The following ADK variants were observed in gnomAD, a reference collection of about 807,000 sequenced individuals.
The protein encoded by ADK is N6,N6-dimethyladenosine kinase.
In ADK, 24 loss-of-function variants were observed where a neutral mutation model predicts 44.7. The ratio of observed to expected loss-of-function variants is 0.54; its 90% CI spans 0.39 to 0.76. The LOEUF is 0.76. Among genes scored for constraint, ADK ranks in the 30% least tolerant of loss-of-function variants. The pLI is 0.00. For synonymous variants in ADK, 128 were observed against 142.6 expected (o/e 0.90, Z 0.73); for missense variants, 321 against 425.1 (o/e 0.76, Z 2.15).
chr10:74,480,425 G>T lies in ADK; in HGVS notation c.556-44831G>T, dbSNP rs147737692. ...TTGTTTTTTGTTGTTTATTTGTTTGGTTGGTTGGTTGGTTTTGTTTTTGTT... is the reference window on the plus strand; with the variant it reads ...TTGTTTTTTGTTGTTTATTTGTTTGTTTGGTTGGTTGGTTTTGTTTTTGTT... On this transcript the variant is annotated intron_variant, in intron 6 of 10. Coordinates refer to ENST00000539909, the MANE Select transcript of ADK (RefSeq NM_006721.4). 4.8e-3 allele frequency among the ~76,000 whole-genome samples: 727 copies of T among 151,612 alleles called. 7 individuals carry two copies. Among genetic ancestry groups the T allele is most frequent in the Middle Eastern group, 0.031 (9 of 294 alleles).
intron 1 of ADK, among the ~76,000 whole-genome samples, chr10:74,197,637 G>A: frequency 6.6e-6 from 1 of 151,048 alleles, no homozygotes; most frequent in Non-Finnish European, 1.5e-5. Context: ...GGCAGAGGTT[G>A]CAGTGAGCAG....
chr10:74,176,757 G>T, intron 1 of ADK: 1 of 1,552,324 alleles, frequency 6.4e-7, no homozygotes, highest in Non-Finnish European at 8.7e-7. Flanking sequence ...GTGAGGACGC[G>T]CTCCCAGTCG....
intron 7 of ADK, among the ~76,000 whole-genome samples, chr10:74,574,804 T>C (rs1851127213): frequency 6.6e-6 from 1 of 152,206 alleles, no homozygotes; most frequent in South Asian, 2.1e-4. Flanking sequence ...TTTGCTACCA[T>C]CCCTGAAACT....
At chr10:74,638,047 T>A (rs1320099757) in intron 9 of ADK, among the ~76,000 whole-genome samples, 1 of 152,206 alleles carries the variant, frequency 6.6e-6, no homozygotes, top group Non-Finnish European at 1.5e-5. Context: ...TACACCATTA[T>A]CCATATAAAG....
At chr10:74,293,238 A>G (rs1839690285) in intron 3 of ADK, among the ~76,000 whole-genome samples, 2 of 152,018 alleles carry the variant, frequency 1.3e-5, no homozygotes, top group Non-Finnish European at 2.9e-5. Flanking sequence ...AGAAACAAGA[A>G]CATTTAAGTG....
intron 3 of ADK, among the ~76,000 whole-genome samples, chr10:74,277,471 A>G (rs969663472): frequency 6.6e-6 from 1 of 150,952 alleles, no homozygotes; most frequent in Non-Finnish European, 1.5e-5. Context: ...ATCTCGGCTC[A>G]CTGCAAGCTC....
At chr10:74,355,796 T>C (rs1195899584) in intron 4 of ADK, among the ~76,000 whole-genome samples, 1 of 152,152 alleles carries the variant, frequency 6.6e-6, no homozygotes, top group Non-Finnish European at 1.5e-5. Context: ...TCCTCTTTCC[T>C]TATGTGTTTG....
chr10:74,169,180 G>C (rs1391975910), intron 1 of ADK, among the ~76,000 whole-genome samples: 1 of 148,504 alleles, frequency 6.7e-6, no homozygotes, highest in East Asian at 2.0e-4. Flanking sequence ...GATTGTGCCA[G>C]TACACTTCAG....
At chr10:74,378,971 C>T (rs1842898721) in intron 4 of ADK, among the ~76,000 whole-genome samples, 1 of 151,912 alleles carries the variant, frequency 6.6e-6, no homozygotes, top group Admixed American at 6.6e-5. Context: ...TGTTTAAAAT[C>T]CTGTAGAGAG....
intron 7 of ADK, among the ~76,000 whole-genome samples, chr10:74,566,794 C>T (rs1303923442): frequency 4.6e-5 from 7 of 152,108 alleles, no homozygotes; most frequent in Non-Finnish European, 1.0e-4. Context: ...CTTCTAGAAA[C>T]AAGTAATTAA....
In ADK at chr10:74,279,411, C is replaced by A. The variant is rs537144078; in HGVS notation, c.195-35256C>A. 1.3e-3 allele frequency among the ~76,000 whole-genome samples: 198 copies of A among 152,000 alleles called. 1 individual carries two copies. Among genetic ancestry groups the A allele is most frequent in the African/African-American group, 4.5e-3 (186 of 41,478 alleles). ...GACCAGTCTGGCCAATATAGTGAAACCCCGTCTCTACTAAAAATACAAAAA... is the reference window on the plus strand; with the variant it reads ...GACCAGTCTGGCCAATATAGTGAAAACCCGTCTCTACTAAAAATACAAAAA... On this transcript the variant is annotated intron_variant, in intron 3 of 10. Transcript: ENST00000539909.
Position 74,628,482 on chromosome 10 carries a change from T to G in ADK, c.877+27989T>G, listed in dbSNP as rs567685789. 2.6e-5 allele frequency among the ~76,000 whole-genome samples: 4 copies of G among 151,550 alleles called. No individual in the cohort carries two copies. The South Asian group carries it at 8.4e-4, about 32-fold the overall frequency. On this transcript the variant is annotated intron_variant, in intron 9 of 10. Transcript: ENST00000539909. ...GAGCCAGTAGTACCTGAAAAAAACT[T>G]AATCCAGGTGAGGCAGATGTTCTGA...
intron 3 of ADK, among the ~76,000 whole-genome samples, chr10:74,307,629 T>A (rs1338996718): frequency 6.6e-6 from 1 of 152,158 alleles, no homozygotes; most frequent in Non-Finnish European, 1.5e-5. Flanking sequence ...AGATTTTAGG[T>A]GTTTGAGTAT....
intron 4 of ADK, among the ~76,000 whole-genome samples, chr10:74,331,158 A>AAAACTAGAT (rs1259167995): frequency 6.6e-6 from 1 of 152,250 alleles, no homozygotes; most frequent in East Asian, 1.9e-4. Context: ...ATACTGGTAT[A>AAAACTAGAT]AAACTAGATA....
At chr10:74,663,249 A>T (rs58164673) in intron 9 of ADK, among the ~76,000 whole-genome samples, 1 of 83,278 alleles carries the variant, frequency 1.2e-5, no homozygotes, top group Admixed American at 1.4e-4. Context: ...AAAAAAAATA[A>T]TATATATATA....
intron 3 of ADK, among the ~76,000 whole-genome samples, chr10:74,246,570 CAG>C (rs1342032346): frequency 6.6e-6 from 1 of 152,190 alleles, no homozygotes; most frequent in Non-Finnish European, 1.5e-5. Context: ...GGGATTAAAA[CAG>C]AGGAAACTTC....
chr10:74,329,850 G>A (rs1841156839), intron 4 of ADK, among the ~76,000 whole-genome samples: 1 of 152,084 alleles, frequency 6.6e-6, no homozygotes, highest in African/African-American at 2.4e-5. Flanking sequence ...AAATAGATCA[G>A]ATAAATTTTT....
At chr10:74,689,372 AC>A (rs1212779816) in intron 10 of ADK, among the ~76,000 whole-genome samples, 1 of 152,218 alleles carries the variant, frequency 6.6e-6, no homozygotes, top group Non-Finnish European at 1.5e-5. Context: ...TAGTACAGAT[AC>A]AAAAAATTTA....
intron 6 of ADK, among the ~76,000 whole-genome samples, chr10:74,423,140 A>T (rs528692862): frequency 6.6e-6 from 1 of 152,372 alleles, no homozygotes; most frequent in Admixed American, 6.5e-5. Context: ...GGCTGCTACC[A>T]GCAAAGGAAA....
Sources: allele counts gnomAD v4.1 joint callset (sites outside exome capture counted in the v4.1 genomes callset), GRCh38; gene constraint gnomAD v4.1.1; transcripts MANE v1.5; gene names NCBI Gene and HGNC (gene_info 2026-07-23, HGNC 2026-07-21).